Variants in FAM227B observed in about 807,000 individuals in gnomAD.
FAM227B encodes family with sequence similarity 227 member B, also known as protein FAM227B.
FAM227B carries 88 observed loss-of-function variants against 73.8 expected under a neutral mutation model. The ratio of observed to expected loss-of-function variants is 1.19; its 90% CI spans 1.00 to 1.42. The LOEUF (loss-of-function observed/expected upper bound fraction) is 1.42, where lower values mean the gene tolerates loss of function less well. Ranked by LOEUF, FAM227B falls within the 40% of genes most tolerant of loss-of-function variation. The pLI is 0.00. For synonymous variants in FAM227B, 210 were observed against 190.5 expected, an observed-to-expected ratio of 1.10 and a Z score of -0.84; for missense variants, 632 against 590.9, an observed-to-expected ratio of 1.07 and a Z score of -0.72.
intron 11 of FAM227B, among the ~76,000 whole-genome samples, chr15:49,376,148 T>C (rs1293272895): frequency 6.6e-6 from 1 of 152,070 alleles, no homozygotes; most frequent in Non-Finnish European, 1.5e-5. Context: ...AAGTTCAATT[T>C]ATTTATTTTT....
intron 11 of FAM227B, among the ~76,000 whole-genome samples, chr15:49,384,259 T>C (rs1200657534): frequency 6.6e-6 from 1 of 152,070 alleles, no homozygotes; most frequent in Non-Finnish European, 1.5e-5. Context: ...ACTAAGAAAC[T>C]TGTATGAACT....
At chr15:49,495,361 G>T (rs558886280) in intron 11 of FAM227B, among the ~76,000 whole-genome samples, 1 of 152,108 alleles carries the variant, frequency 6.6e-6, no homozygotes, top group South Asian at 2.1e-4. Flanking sequence ...GAATAGTTCC[G>T]TTAAATTTCT....
At chr15:49,418,734 G>A (rs2151721162) in intron 11 of FAM227B, among the ~76,000 whole-genome samples, 2 of 151,792 alleles carry the variant, frequency 1.3e-5, no homozygotes, top group East Asian at 3.9e-4. Flanking sequence ...TGTGACATGA[G>A]TTTACCTGTA....
intron 13 of FAM227B, among the ~76,000 whole-genome samples, chr15:49,353,268 A>G (rs1455471524): frequency 1.3e-5 from 2 of 152,106 alleles, no homozygotes; most frequent in Non-Finnish European, 2.9e-5. Flanking sequence ...ATTTTTTCCT[A>G]TACTGCTGAA....
chr15:49,577,337 G>A, intron 6 of FAM227B: 2 of 352,392 alleles, frequency 5.7e-6, no homozygotes, highest in Non-Finnish European at 1.1e-5. Flanking sequence ...CATATTTTCT[G>A]CTTCTTTGAA....
At chr15:49,404,346 T>C (rs1337916869) in intron 11 of FAM227B, among the ~76,000 whole-genome samples, 2 of 152,190 alleles carry the variant, frequency 1.3e-5, no homozygotes, top group Admixed American at 1.3e-4. Flanking sequence ...TCTGTATTAA[T>C]ACTGTCAGTG....
intron 11 of FAM227B, among the ~76,000 whole-genome samples, chr15:49,426,051 A>T (rs117643709): frequency 0.023 from 3,494 of 151,586 alleles, 86 homozygotes; most frequent in South Asian, 0.13. Context: ...AATATATATC[A>T]ATAATAATAT....
chr15:49,615,739 C>G (rs1029457210), intron 1 of FAM227B, among the ~76,000 whole-genome samples: 1 of 152,126 alleles, frequency 6.6e-6, no homozygotes, highest in African/African-American at 2.4e-5. Flanking sequence ...ACTAACGCAG[C>G]AGGGGAGGAA....
chr15:49,616,626 T>C (rs942589157), intron 1 of FAM227B, among the ~76,000 whole-genome samples: 1 of 152,174 alleles, frequency 6.6e-6, no homozygotes, highest in Non-Finnish European at 1.5e-5. Flanking sequence ...TTCTGGCCTT[T>C]AAAACTGTGA....
chr15:49,453,370 T>C (rs560462943), intron 11 of FAM227B, among the ~76,000 whole-genome samples: 1 of 152,248 alleles, frequency 6.6e-6, no homozygotes, highest in South Asian at 2.1e-4. Context: ...TCCCAAAGTG[T>C]TGAGATTACA....
At chr15:49,331,896 T>C in intron 14 of FAM227B, 47 bp from the exon 15 acceptor site, 1 of 1,090,482 alleles carries the variant, frequency 9.2e-7, no homozygotes, top group Non-Finnish European at 1.4e-6. Context: ...ATTGTCCTTA[T>C]ATTGACACCA....
rs150895583 is a variant in FAM227B at position 49,367,571 on chromosome 15, A to C, written c.1148T>G (p.Val383Gly). Residue 383 changes from valine to glycine, a missense_variant, in exon 13 of 16, where the codon GTT becomes GGT. Val to Gly is a moderately radical substitution (Grantham distance 109, BLOSUM62 -3). Coordinates refer to ENST00000299338, the MANE Select transcript of FAM227B (RefSeq NM_152647.3). ...ACTCTGACCTCCAAAATTGAAGAGA[A>C]CACGATTAAACTCTGGACCAGTACT... Reference protein sequence around the residue: ...YSSTGPEFNRVLFNFGGQSPL... With the variant: ...YSSTGPEFNRGLFNFGGQSPL... 6.2e-6 allele frequency: 10 copies of C among 1,601,254 alleles called. No individual in the cohort carries two copies. In the African/African-American group the frequency reaches 1.2e-4, roughly 19 times the overall value.
At chr15:49,510,385 AT>A (rs1009676599) in intron 10 of FAM227B, among the ~76,000 whole-genome samples, 14 of 152,054 alleles carry the variant, frequency 9.2e-5, no homozygotes, top group Non-Finnish European at 7.4e-5. Context: ...TCTTAAGAAA[AT>A]TTTTTTATCT....
chr15:49,412,784 A>G (rs778827149), intron 11 of FAM227B, among the ~76,000 whole-genome samples: 3 of 152,008 alleles, frequency 2.0e-5, no homozygotes, highest in African/African-American at 7.2e-5. Flanking sequence ...CACAAGAAAA[A>G]CTTTCCTTTT....
chr15:49,515,839 C>T (rs552357016), intron 10 of FAM227B, among the ~76,000 whole-genome samples: 18 of 152,284 alleles, frequency 1.2e-4, no homozygotes, highest in African/African-American at 4.3e-4. Context: ...ACTTTCCCCT[C>T]TCTCAGAAAT....
At chr15:49,536,671 T>C (rs1305145712) in intron 10 of FAM227B, among the ~76,000 whole-genome samples, 1 of 151,958 alleles carries the variant, frequency 6.6e-6, no homozygotes, top group Non-Finnish European at 1.5e-5. Context: ...ATTAAAAAGC[T>C]ATAGAAATAA....
chr15:49,379,653 G>A (rs1341373238), intron 11 of FAM227B, among the ~76,000 whole-genome samples: 1 of 152,020 alleles, frequency 6.6e-6, no homozygotes, highest in Non-Finnish European at 1.5e-5. Context: ...TTATTTATTT[G>A]TATTTGGATG....
At chr15:49,407,624 T>C (rs12442701) in intron 11 of FAM227B, among the ~76,000 whole-genome samples, 25,949 of 148,054 alleles carry the variant, frequency 0.18, 3,021 homozygotes, top group East Asian at 0.32. Flanking sequence ...CGTACTAATA[T>C]ATATGTATTT....
At chr15:49,564,986 T>C (rs1055749650) in intron 9 of FAM227B, among the ~76,000 whole-genome samples, 4 of 152,108 alleles carry the variant, frequency 2.6e-5, no homozygotes, top group Admixed American at 1.3e-4. Flanking sequence ...GCAATTTTTG[T>C]AAATGATGCA....
Sources: gnomAD v4.1 joint callset for allele counts (sites outside exome capture counted in the v4.1 genomes callset) on GRCh38, gnomAD v4.1.1 for gene constraint, MANE v1.5 for transcripts, NCBI Gene and HGNC (gene_info 2026-07-23, HGNC 2026-07-21) for gene names.